The following SPC25 variants were observed in gnomAD, a reference collection of about 807,000 sequenced individuals.
SPC25 encodes SPC25 component of NDC80 kinetochore complex.
A neutral mutation model predicts 29.6 loss-of-function variants in SPC25; 22 were observed. The observed-to-expected ratio is 0.74, with a 90% CI of 0.53 to 1.06. The LOEUF is 1.06. Ranked by LOEUF, SPC25 falls within the 50% of genes least tolerant of loss-of-function variation. The pLI is 0.00. For missense variants in SPC25, 230 were observed against 255.8 expected, an observed-to-expected ratio of 0.90 and a Z score of 0.69; for synonymous variants, 91 against 90.4, an observed-to-expected ratio of 1.01 and a Z score of -0.04.
intron 4 of SPC25, chr2:168,863,393 G>GAA (rs1689605885): frequency 3.0e-6 from 3 of 983,972 alleles, no homozygotes; most frequent in South Asian, 9.4e-5. Context: ...AGTTGCTGAG[G>GAA]AAAAGAGTGA....
intron 5 of SPC25, among the ~76,000 whole-genome samples, chr2:168,874,532 C>T (rs760280118): frequency 1.9e-4 from 29 of 152,100 alleles, no homozygotes; most frequent in Non-Finnish European, 3.8e-4. Flanking sequence ...GAACATTGTT[C>T]AGCCATAAAA....
In SPC25 at chr2:168,889,655, A is replaced by G; in HGVS notation, c.-14-122T>C. On this transcript the variant is annotated intron_variant, in intron 1 of 6. Coordinates refer to ENST00000282074, the MANE Select transcript of SPC25 (RefSeq NM_020675.4). ...GCTAGAAAATAGCAACTTATCTTTA[A>G]TTCTAGGTATTCAAGGGTAGATCAA... 4 of 1,019,628 alleles carry G rather than the reference A, an allele frequency of 3.9e-6. 1 individual carries two copies. The highest frequency in any genetic ancestry group is 2.8e-6 in the Non-Finnish European group (2 of 712,672). 63.2% of individuals were successfully genotyped at this position (1,019,628 alleles called of 1,614,324 possible). A position where few individuals can be genotyped will look rare whatever the true frequency, so the allele number is the denominator to read the frequency against.
At chr2:168,884,114 TC>T (rs1029472045) in intron 3 of SPC25, among the ~76,000 whole-genome samples, 11 of 152,116 alleles carry the variant, frequency 7.2e-5, no homozygotes, top group Non-Finnish European at 1.3e-4. Flanking sequence ...GCTGTCTTAT[TC>T]CCAGGACCGA....
intron 4 of SPC25, among the ~76,000 whole-genome samples, chr2:168,862,264 A>G (rs757384448): frequency 3.3e-5 from 5 of 152,188 alleles, no homozygotes; most frequent in Middle Eastern, 3.2e-3. Context: ...TTGCAGGCCT[A>G]TTGTCCAATT....
chr2:168,869,211 A>ATAAT (rs1361461074), downstream of SPC25, among the ~76,000 whole-genome samples: 862 of 152,316 alleles, frequency 5.7e-3, 10 homozygotes, highest in African/African-American at 0.02. Flanking sequence ...GTATCTCAAA[A>ATAAT]TAATAAGAGC....
rs1484916095 is a variant in SPC25, at chr2:168,880,355, C to A, written c.200-2971G>T. Among the ~76,000 whole-genome samples, 6 of 152,318 alleles carry A rather than the reference C, an allele frequency of 3.9e-5. No homozygotes were observed. The East Asian group carries it at 9.6e-4, about 24-fold the overall frequency. ...TTGCATTTTTATTTTATGGAGGCAG[C>A]TGCTTTCCTTAAACCTCAAGAACCA... On this transcript the variant is annotated intron_variant, in intron 3 of 6. Coordinates refer to ENST00000282074, the MANE Select transcript of SPC25 (RefSeq NM_020675.4).
chr2:168,880,081 A>G (rs138204330), intron 3 of SPC25, among the ~76,000 whole-genome samples: 1 of 152,306 alleles, frequency 6.6e-6, no homozygotes, highest in Non-Finnish European at 1.5e-5. Flanking sequence ...GATTTGGGGA[A>G]TGGCAAGTGA....
At chr2:168,867,633 CAAAG>C (rs1378287910), downstream of SPC25, among the ~76,000 whole-genome samples, 7 of 152,250 alleles carry the variant, frequency 4.6e-5, no homozygotes, top group African/African-American at 1.4e-4. Flanking sequence ...TCAAAAGAGA[CAAAG>C]AAGGCCATTA....
chr2:168,862,873 C>T (rs1689554275), intron 4 of SPC25, among the ~76,000 whole-genome samples: 1 of 152,198 alleles, frequency 6.6e-6, no homozygotes, highest in Non-Finnish European at 1.5e-5. Flanking sequence ...TTATCCACGA[C>T]AAGGACATGG....
chr2:168,886,861 T>G (rs572447487), intron 3 of SPC25, among the ~76,000 whole-genome samples: 1 of 152,308 alleles, frequency 6.6e-6, no homozygotes, highest in Admixed American at 6.5e-5. Flanking sequence ...GATAATGCTT[T>G]TAGATTTTAG....
intron 3 of SPC25, among the ~76,000 whole-genome samples, chr2:168,883,157 G>A (rs564217860): frequency 1.1e-4 from 17 of 151,602 alleles, no homozygotes; most frequent in East Asian, 5.8e-4. Flanking sequence ...ATGGTATATC[G>A]ATAAGATGGA....
intron 4 of SPC25, among the ~76,000 whole-genome samples, chr2:168,864,112 C>A (rs529112226): frequency 1.3e-5 from 2 of 152,082 alleles, no homozygotes; most frequent in Non-Finnish European, 2.9e-5. Flanking sequence ...GGACTACAGG[C>A]GTGTGCCACC....
chr2:168,877,502 C>T, intron 3 of SPC25, 118 bp from the exon 4 acceptor site: 2 of 1,126,952 alleles, frequency 1.8e-6, no homozygotes, highest in Non-Finnish European at 1.2e-6. Context: ...GACTGATAAG[C>T]ATTTTCTAAT....
At chr2:168,873,513 C>T in intron 6 of SPC25, 72 bp downstream of exon 6, 1 of 1,082,882 alleles carries the variant, frequency 9.2e-7, no homozygotes, top group Middle Eastern at 2.1e-4. Flanking sequence ...CTCCATATTA[C>T]TTTATATGCT....
In SPC25 at chr2:168,889,544, A is replaced by G. The variant is rs1199099365; in HGVS notation, c.-14-11T>C. 2 of 1,605,564 alleles carry G rather than the reference A, an allele frequency of 1.2e-6. No individual in the cohort carries two copies. Among genetic ancestry groups the G allele is most frequent in the African/African-American group, 2.7e-5 (2 of 74,772 alleles). ...TTATGTAGGACAATGCTAAAAACAG[A>G]ATACATATTGCATTTTTTAAGTTAC... On this transcript the variant is annotated splice_polypyrimidine_tract_variant and intron_variant, in intron 1 of 6. Transcript: ENST00000282074.
chr2:168,876,214 T>C (rs1690084931), intron 4 of SPC25, 38 bp from the exon 5 acceptor site: 1 of 1,335,192 alleles, frequency 7.5e-7, no homozygotes, highest in South Asian at 1.5e-5. Flanking sequence ...ATGTTTTAAA[T>C]AATAGCAAAT....
At chr2:168,863,400 G>A in intron 4 of SPC25, 1 of 984,658 alleles carries the variant, frequency 1.0e-6, no homozygotes, top group African/African-American at 1.7e-5. Flanking sequence ...GAGGAAAAGA[G>A]TGAAAGGAAG....
At chr2:168,876,016 TAAGAA>T (rs1690078445) in intron 5 of SPC25, 51 bp downstream of exon 5, 10 of 1,023,010 alleles carry the variant, frequency 9.8e-6, no homozygotes, top group South Asian at 8.0e-5. Flanking sequence ...TTCCTCTACT[TAAGAA>T]AAGACATACT....
In SPC25 at chr2:168,871,592, A is replaced by C. The variant is rs1168485255; in HGVS notation, c.551-37T>G. The C allele has an allele frequency of 5.9e-6, 9 of 1,533,364 alleles. No individual in the cohort carries two copies. In the Admixed American group the frequency reaches 2.1e-4, roughly 35 times the overall value. The allele number at this position is 1,533,364 out of a possible 1,614,324, so 95.0% of individuals were successfully genotyped here. ...AAAAAAAGAAATCAAAGACAATTAG[A>C]ATGAGTTTTTTTATGGCACAGAAGT... On this transcript the variant is annotated intron_variant, in intron 6 of 6. Coordinates refer to ENST00000282074, the MANE Select transcript of SPC25 (RefSeq NM_020675.4).
Sources: allele counts gnomAD v4.1 joint callset (sites outside exome capture counted in the v4.1 genomes callset), GRCh38; gene constraint gnomAD v4.1.1; transcripts MANE v1.5; gene names NCBI Gene and HGNC (gene_info 2026-07-23, HGNC 2026-07-21).